FAM135B: variants seen among roughly 807,000 people sequenced by gnomAD.
FAM135B encodes the protein family with sequence similarity 135 member B, also known as protein FAM135B.
Under a neutral mutation model 127.7 loss-of-function variants are expected in FAM135B, and 43 were observed. The observed-to-expected ratio is 0.34, with a 90% CI of 0.26 to 0.43. FAM135B has a LOEUF of 0.43. Among genes scored for constraint, FAM135B ranks in the 20% least tolerant of loss-of-function variants. The pLI, the probability that FAM135B is intolerant of heterozygous loss-of-function variation, is 1.00. For synonymous variants in FAM135B, 670 were observed against 665.1 expected (o/e 1.01, Z -0.11); for missense variants, 1,558 against 1,725.6 (o/e 0.90, Z 1.72).
At chr8:138,182,574 T>C (rs145825193) in intron 9 of FAM135B, among the ~76,000 whole-genome samples, 28 of 152,276 alleles carry the variant, frequency 1.8e-4, no homozygotes, top group African/African-American at 6.7e-4. Flanking sequence ...ATGCATACAG[T>C]CCAGGAAGAG....
chr8:138,351,154 A>T (rs1829754981), intron 2 of FAM135B, among the ~76,000 whole-genome samples: 1 of 152,192 alleles, frequency 6.6e-6, no homozygotes, highest in Non-Finnish European at 1.5e-5. Context: ...AAACTAGCAG[A>T]TGTCACCTGT....
intron 2 of FAM135B, among the ~76,000 whole-genome samples, chr8:138,339,839 G>C (rs1048178354): frequency 1.3e-5 from 2 of 152,180 alleles, no homozygotes; most frequent in Non-Finnish European, 2.9e-5. Context: ...ACTCCAAAGA[G>C]AGGGGTTCCG....
chr8:138,454,250 A>T (rs1229697133), intron 1 of FAM135B, among the ~76,000 whole-genome samples: 2 of 152,304 alleles, frequency 1.3e-5, no homozygotes, highest in Middle Eastern at 3.4e-3. Context: ...TCAAAGGCCA[A>T]TTCTCCCGGC....
At chr8:138,325,763 T>G (rs569089056) in intron 2 of FAM135B, among the ~76,000 whole-genome samples, 1 of 152,248 alleles carries the variant, frequency 6.6e-6, no homozygotes, top group African/African-American at 2.4e-5. Flanking sequence ...TGAACAGCAT[T>G]GGCAACAACC....
intron 7 of FAM135B, among the ~76,000 whole-genome samples, chr8:138,224,688 G>GT (rs1398365523): frequency 9.9e-5 from 15 of 152,096 alleles, no homozygotes; most frequent in African/African-American, 3.1e-4. Context: ...CCCAAAGTTC[G>GT]TATGTTGAAG....
At position 138,295,102 on chromosome 8, in the gene FAM135B, C is replaced by CTTTTTTTTTTTTTT. The variant is rs527258472; in HGVS notation, c.157+15725_157+15738dup. The stretch of plus-strand genomic sequence containing the variant: ...AATGTCAATACCACCCTTGCTGGTG[C>CTTTTTTTTTTTTTT]TTTTTTTTTTTTTTTTTTTTTTTTT... On this transcript the variant is annotated intron_variant, in intron 3 of 19. Transcript: ENST00000395297. 8.5e-5 allele frequency among the ~76,000 whole-genome samples: 7 copies of CTTTTTTTTTTTTTT among 82,214 alleles called. 1 individual carries two copies. Among genetic ancestry groups the CTTTTTTTTTTTTTT allele is most frequent in the African/African-American group, 3.5e-4 (7 of 20,160 alleles). 53.9% of individuals were successfully genotyped at this position (82,214 alleles called of 152,430 possible).
At chr8:138,381,466 A>G (rs186420368) in intron 1 of FAM135B, among the ~76,000 whole-genome samples, 10 of 152,246 alleles carry the variant, frequency 6.6e-5, no homozygotes, top group Admixed American at 6.5e-4. Flanking sequence ...ATGTCAAAAT[A>G]GCCCTGAATA....
chr8:138,377,899 G>A (rs1032514944), intron 1 of FAM135B, among the ~76,000 whole-genome samples: 1 of 152,186 alleles, frequency 6.6e-6, no homozygotes, highest in Non-Finnish European at 1.5e-5. Flanking sequence ...GTTGCCTACC[G>A]TGATCACTGC....
chr8:138,426,134 G>GTATA lies in FAM135B; in HGVS notation c.-19-58133_-19-58132insTATA, dbSNP rs555848688. Among the ~76,000 whole-genome samples, 393 of 111,968 alleles carry GTATA rather than the reference G, an allele frequency of 3.5e-3. 3 individuals are homozygous for GTATA. The highest frequency in any genetic ancestry group is 6.8e-3 in the African/African-American group (238 of 35,114). 73.5% of individuals were successfully genotyped at this position (111,968 alleles called of 152,430 possible). A position where few individuals can be genotyped will look rare whatever the true frequency, so the allele number is the denominator to read the frequency against. On this transcript the variant is annotated intron_variant, in intron 1 of 19. Coordinates refer to ENST00000395297, the MANE Select transcript of FAM135B (RefSeq NM_015912.4). ...TATACACATATGTGTGTGTGTGTGT[G>GTATA]TGTGTATATATATATATAATGCTAA...
intron 7 of FAM135B, among the ~76,000 whole-genome samples, chr8:138,199,162 C>A (rs140265183): frequency 6.6e-6 from 1 of 152,170 alleles, no homozygotes; most frequent in Non-Finnish European, 1.5e-5. Flanking sequence ...AGTCGACACA[C>A]GTCTGTACAT....
intron 1 of FAM135B, among the ~76,000 whole-genome samples, chr8:138,399,055 A>G (rs1266607906): frequency 6.6e-6 from 1 of 152,174 alleles, no homozygotes; most frequent in Non-Finnish European, 1.5e-5. Context: ...GAATAACAGG[A>G]GTAAGAATAA....
chr8:138,344,288 G>A (rs892906055), intron 2 of FAM135B, among the ~76,000 whole-genome samples: 4 of 152,216 alleles, frequency 2.6e-5, no homozygotes, highest in Non-Finnish European at 4.4e-5. Context: ...TCAATGGCAA[G>A]GTGGCCAATG....
intron 4 of FAM135B, among the ~76,000 whole-genome samples, chr8:138,260,360 A>G (rs1586908713): frequency 6.6e-6 from 1 of 152,288 alleles, no homozygotes; most frequent in East Asian, 1.9e-4. Context: ...TATCTGTGTC[A>G]GTGTATGTTT....
At chr8:138,277,393 A>G (rs1823910567) in intron 3 of FAM135B, among the ~76,000 whole-genome samples, 4 of 152,096 alleles carry the variant, frequency 2.6e-5, no homozygotes, top group Admixed American at 2.6e-4. Flanking sequence ...TTGCCTGCAT[A>G]CCTCAGAGTC....
intron 1 of FAM135B, among the ~76,000 whole-genome samples, chr8:138,416,033 T>G (rs1298402874): frequency 6.6e-6 from 1 of 152,174 alleles, no homozygotes; most frequent in African/African-American, 2.4e-5. Flanking sequence ...GGAGCATTCA[T>G]GCCTGGTCCT....
intron 2 of FAM135B, among the ~76,000 whole-genome samples, chr8:138,324,892 C>T (rs985641544): frequency 6.6e-6 from 1 of 152,184 alleles, no homozygotes; most frequent in African/African-American, 2.4e-5. Flanking sequence ...AAGCAACTTA[C>T]ATGTAACTGC....
At chr8:138,244,032 T>C (rs1821084464) in intron 6 of FAM135B, among the ~76,000 whole-genome samples, 1 of 152,166 alleles carries the variant, frequency 6.6e-6, no homozygotes, top group Non-Finnish European at 1.5e-5. Flanking sequence ...GTGGAAGGGC[T>C]TAATCCAAGA....
At chr8:138,495,067 C>T (rs933213668) in intron 1 of FAM135B, among the ~76,000 whole-genome samples, 1 of 152,146 alleles carries the variant, frequency 6.6e-6, no homozygotes, top group Non-Finnish European at 1.5e-5. Context: ...ACTCTCTTTT[C>T]GTAGTTGATG....
At chr8:138,367,874 C>T (rs751166518) in intron 2 of FAM135B, 33 bp downstream of exon 2, 1 of 1,479,296 alleles carries the variant, frequency 6.8e-7, no homozygotes, top group South Asian at 1.1e-5. Context: ...CACACACACA[C>T]ACACACACAC....
Sources: gnomAD v4.1 joint callset for allele counts (sites outside exome capture counted in the v4.1 genomes callset) on GRCh38, gnomAD v4.1.1 for gene constraint, MANE v1.5 for transcripts, NCBI Gene and HGNC (gene_info 2026-07-23, HGNC 2026-07-21) for gene names.